Variants in ADAMTSL1 observed in about 807,000 individuals in gnomAD.
ADAMTSL1 encodes ADAMTS-like protein 1.
Under a neutral mutation model 201.8 loss-of-function variants are expected in ADAMTSL1, and 126 were observed. The ratio of observed to expected loss-of-function variants is 0.62; its 90% CI spans 0.54 to 0.72. The LOEUF (loss-of-function observed/expected upper bound fraction) is 0.72. ADAMTSL1 is among the 30% of genes least tolerant of loss of function. The pLI is 0.00. For synonymous variants in ADAMTSL1, 1,121 were observed against 903.4 expected (o/e 1.24, Z -4.32); for missense variants, 2,679 against 2,277.8 (o/e 1.18, Z -3.59).
intron 17 of ADAMTSL1, among the ~76,000 whole-genome samples, chr9:18,774,176 A>C (rs973191957): frequency 6.6e-6 from 1 of 151,986 alleles, no homozygotes; most frequent in Non-Finnish European, 1.5e-5. Context: ...CCTGCCTCCC[A>C]TCCATCTCCT....
At chr9:18,473,775 A>G (rs1821313995), upstream of ADAMTSL1, 2 of 178,810 alleles carry the variant, frequency 1.1e-5, no homozygotes, top group African/African-American at 4.7e-5. Flanking sequence ...TGTACTTTAC[A>G]AAGCAACAGA....
rs1830398740 is a variant in ADAMTSL1 at position 18,680,446 on chromosome 9, C to A, written c.1271C>A (p.Pro424His). Residue 424 changes from proline to histidine, a missense_variant, in exon 11 of 29, where the codon CCT becomes CAT. Transcript: ENST00000380548. Reference protein sequence around the residue: ...SVEEWKCMYTPKMPIAQPCNI... With the variant: ...SVEEWKCMYTHKMPIAQPCNI... ...GAAGAGTGGAAATGCATGTACACCC[C>A]TAAGATGCCCATCGCGCAGCCCTGC... 6.2e-7 allele frequency: 1 copy of A among 1,614,166 alleles called. No homozygotes were observed. Among genetic ancestry groups the A allele is most frequent in the East Asian group, 2.2e-5 (1 of 44,876 alleles).
At chr9:18,028,502 G>C (rs187399670) in intron 1 of ADAMTSL1, among the ~76,000 whole-genome samples, 1 of 151,966 alleles carries the variant, frequency 6.6e-6, no homozygotes, top group African/African-American at 2.4e-5. Flanking sequence ...GCCTAATGGG[G>C]TTCTCTTCTC....
chr9:18,387,647 TG>T (rs1299268132), intron 2 of ADAMTSL1, among the ~76,000 whole-genome samples: 4 of 151,342 alleles, frequency 2.6e-5, no homozygotes, highest in African/African-American at 4.9e-5. Flanking sequence ...TATTTTCATT[TG>T]TTTTTTTAAT....
At position 18,908,021 on chromosome 9, in the gene ADAMTSL1, T is replaced by A; in HGVS notation, c.5183-421T>A. 1.3e-5 allele frequency: 3 copies of A among 230,506 alleles called. No homozygotes were observed. The South Asian group carries it at 1.7e-4, about 13-fold the overall frequency. The allele number at this position is 230,506 out of a possible 1,614,324, so 14.3% of individuals were successfully genotyped here. On this transcript the variant is annotated intron_variant, in intron 28 of 28. Coordinates refer to ENST00000380548, the MANE Select transcript of ADAMTSL1 (RefSeq NM_001040272.6). Reference sequence around the variant, plus strand: ...TCCTGCAAAGTCGGGGAGGATGCAGTGCTGGGAACCATCTTGAGGAGGAGA... The same window carrying A: ...TCCTGCAAAGTCGGGGAGGATGCAGAGCTGGGAACCATCTTGAGGAGGAGA...
At chr9:18,529,261 C>T (rs1454597574) in intron 2 of ADAMTSL1, among the ~76,000 whole-genome samples, 13 of 152,210 alleles carry the variant, frequency 8.5e-5, no homozygotes, top group African/African-American at 2.9e-4. Flanking sequence ...TTTCTAGAAA[C>T]GGATTTACCA....
At chr9:17,926,420 G>A (rs987405724) in intron 1 of ADAMTSL1, among the ~76,000 whole-genome samples, 1 of 149,558 alleles carries the variant, frequency 6.7e-6, no homozygotes, top group Non-Finnish European at 1.5e-5. Flanking sequence ...AGTGTGGATC[G>A]TCAGGAACGC....
At chr9:17,920,945 T>C (rs1826276129) in intron 1 of ADAMTSL1, among the ~76,000 whole-genome samples, 1 of 152,248 alleles carries the variant, frequency 6.6e-6, no homozygotes, top group African/African-American at 2.4e-5. Flanking sequence ...TTCATAATGC[T>C]GTGCCTTGCT....
chr9:18,574,546 CTT>C (rs1257406873), intron 4 of ADAMTSL1: 1 of 552,982 alleles, frequency 1.8e-6, no homozygotes, highest in Non-Finnish European at 3.2e-6. Flanking sequence ...ATGTACTAGA[CTT>C]TGAAATTATC....
At chr9:18,278,662 T>C (rs1165647777) in intron 2 of ADAMTSL1, among the ~76,000 whole-genome samples, 1 of 152,172 alleles carries the variant, frequency 6.6e-6, no homozygotes, top group Non-Finnish European at 1.5e-5. Context: ...CTATTTGAGT[T>C]CTTTTGGGCT....
chr9:18,788,279 C>A (rs1157111306), intron 19 of ADAMTSL1, among the ~76,000 whole-genome samples: 1 of 152,150 alleles, frequency 6.6e-6, no homozygotes, highest in East Asian at 1.9e-4. Context: ...GATCTCAGAG[C>A]ATTCCTTTTG....
chr9:18,109,859 C>T (rs1310520920), intron 1 of ADAMTSL1, among the ~76,000 whole-genome samples: 1 of 152,164 alleles, frequency 6.6e-6, no homozygotes, highest in East Asian at 1.9e-4. Flanking sequence ...TGCCACTTTC[C>T]CCTGCGTATA....
chr9:18,241,055 T>A (rs72684951), intron 2 of ADAMTSL1, among the ~76,000 whole-genome samples: 4,046 of 152,266 alleles, frequency 0.027, 178 homozygotes, highest in African/African-American at 0.091. Flanking sequence ...CATATCGTCA[T>A]TATGGCTGTT....
At position 18,777,712 on chromosome 9, in the gene ADAMTSL1, C is replaced by G. The variant is rs1412725259; in HGVS notation, c.3483C>G (p.His1161Gln). ...CCGGGGGAGGCTCTCGAAGGCCACA[C>G]CGCAAGCCCACCATCCTGCGCAAGA... is the stretch of plus-strand genomic sequence containing the variant. Reference protein sequence around the residue: ...GDAGGGSRRPHRKPTILRKIS... With the variant: ...GDAGGGSRRPQRKPTILRKIS... Residue 1161 changes from histidine to glutamine, a missense_variant, in exon 19 of 29, where the codon CAC becomes CAG. Transcript: ENST00000380548. 1.2e-6 allele frequency: 2 copies of G among 1,613,440 alleles called. No homozygotes were observed. Among genetic ancestry groups the G allele is most frequent in the East Asian group, 2.2e-5 (1 of 44,870 alleles).
At chr9:18,326,962 C>G (rs1357346150) in intron 2 of ADAMTSL1, among the ~76,000 whole-genome samples, 1 of 152,020 alleles carries the variant, frequency 6.6e-6, no homozygotes, top group Non-Finnish European at 1.5e-5. Flanking sequence ...TTCAAAAGCC[C>G]TATTTTGGCT....
chr9:18,877,499 C>A (rs142576884), intron 23 of ADAMTSL1, among the ~76,000 whole-genome samples: 1 of 152,166 alleles, frequency 6.6e-6, no homozygotes. Flanking sequence ...AGTTATTTCT[C>A]TTCTGGGTTT....
rs1372775253 is a variant in ADAMTSL1 at position 18,776,909 on chromosome 9, G to A, written c.2680G>A (p.Ala894Thr). ...CTTCGCCTACCTGCTCCCCAAGACGGCGGTGGTGCTGCGCTGCCCGGCGCG... is the reference window on the plus strand; with the variant it reads ...CTTCGCCTACCTGCTCCCCAAGACGACGGTGGTGCTGCGCTGCCCGGCGCG... ...GGFAYLLPKT[A>T]VVLRCPARRV... Residue 894 changes from alanine (A) to threonine (T), a missense_variant, in exon 19 of 29, where the codon GCG (alanine) becomes ACG (threonine). By Grantham distance (58) the Ala-to-Thr change is moderately conservative. Coordinates refer to ENST00000380548, the MANE Select transcript of ADAMTSL1 (RefSeq NM_001040272.6). 6.2e-7 allele frequency: 1 copy of A among 1,609,690 alleles called. No individual in the cohort carries two copies. Among genetic ancestry groups the A allele is most frequent in the African/African-American group, 1.3e-5 (1 of 75,002 alleles).
chr9:18,027,360 C>T (rs771520341), intron 1 of ADAMTSL1, among the ~76,000 whole-genome samples: 4 of 151,756 alleles, frequency 2.6e-5, no homozygotes, highest in Non-Finnish European at 4.4e-5. Context: ...GAACTATAAA[C>T]TTTCATCTTA....
intron 2 of ADAMTSL1, among the ~76,000 whole-genome samples, chr9:18,402,705 C>T (rs1157567582): frequency 6.6e-6 from 1 of 152,090 alleles, no homozygotes. Context: ...TTTGGTTATC[C>T]CCTCCTGAAA....
Sources: allele counts gnomAD v4.1 joint callset (sites outside exome capture counted in the v4.1 genomes callset), GRCh38; gene constraint gnomAD v4.1.1; transcripts MANE v1.5; gene names NCBI Gene and HGNC (gene_info 2026-07-23, HGNC 2026-07-21).